The following TRDN variants were observed in gnomAD, a reference collection of about 807,000 sequenced individuals.
TRDN encodes triadin in skeletal muscle.
Under a neutral mutation model 149.7 loss-of-function variants are expected in TRDN, and 161 were observed. The ratio of observed to expected loss-of-function variants is 1.08; its 90% CI spans 0.95 to 1.23. TRDN has a LOEUF of 1.23. TRDN is among the 50% of genes most tolerant of loss of function. The pLI, the probability that TRDN is intolerant of heterozygous loss-of-function variation, is 0.00. For missense variants in TRDN, 896 were observed against 823.5 expected (o/e 1.09, Z -1.08); for synonymous variants, 294 against 250.5 (o/e 1.17, Z -1.64).
In TRDN at chr6:123,501,590, A is replaced by G. The variant is rs753240229; in HGVS notation, c.793+2129T>C. Among the ~76,000 whole-genome samples, 5 of 152,068 alleles carry G rather than the reference A, an allele frequency of 3.3e-5. No homozygotes were observed. In the South Asian group the frequency reaches 1.0e-3, roughly 31 times the overall value. On this transcript the variant is annotated intron_variant, in intron 8 of 40. Coordinates refer to ENST00000334268, the MANE Select transcript of TRDN (RefSeq NM_006073.4). ...GTAACAAAAAATGAAAAATAAAATG[A>G]CATATTTATATGTCTGATCTGCCAT...
chr6:123,344,181 T>C (rs571642079), intron 21 of TRDN, among the ~76,000 whole-genome samples: 71 of 152,130 alleles, frequency 4.7e-4, no homozygotes, highest in African/African-American at 1.3e-3. Flanking sequence ...CCCAAACTAA[T>C]ACACCCTCTT....
At chr6:123,533,997 C>T in intron 4 of TRDN, among the ~76,000 whole-genome samples, 1 of 151,986 alleles carries the variant, frequency 6.6e-6, no homozygotes, top group East Asian at 1.9e-4. Context: ...ACAGGGAAAG[C>T]CTCATTTTTT....
intron 4 of TRDN, among the ~76,000 whole-genome samples, chr6:123,540,031 C>T (rs546558321): frequency 4.6e-4 from 70 of 152,290 alleles, no homozygotes; most frequent in Non-Finnish European, 8.4e-4. Context: ...ATGATGTAGA[C>T]ATTTGTGGCA....
intron 33 of TRDN, among the ~76,000 whole-genome samples, chr6:123,261,622 G>A (rs191713668): frequency 2.2e-4 from 34 of 151,534 alleles, no homozygotes; most frequent in African/African-American, 6.5e-4. Flanking sequence ...TTCTACAAAC[G>A]TGGTATCAGT....
At chr6:123,464,453 A>G in intron 10 of TRDN, 1 of 965,598 alleles carries the variant, frequency 1.0e-6, no homozygotes, top group Non-Finnish European at 1.2e-6. Context: ...CTCTGCTTAT[A>G]TCATCTTAGA....
chr6:123,233,557 A>G (rs1183797054), intron 38 of TRDN, among the ~76,000 whole-genome samples: 1 of 152,100 alleles, frequency 6.6e-6, no homozygotes, highest in Non-Finnish European at 1.5e-5. Flanking sequence ...GAATGAGGCC[A>G]CAGTGCTGGG....
intron 38 of TRDN, 38 bp from the exon 39 acceptor site, chr6:123,224,169 AT>A (rs1562217837): frequency 1.3e-6 from 2 of 1,595,196 alleles, no homozygotes; most frequent in Admixed American, 1.7e-5. Context: ...ATCACAGTCA[AT>A]TTTTCAGTTT....
At chr6:123,281,561 A>C (rs1175962381) in intron 24 of TRDN, among the ~76,000 whole-genome samples, 1 of 152,110 alleles carries the variant, frequency 6.6e-6, no homozygotes, top group East Asian at 1.9e-4. Context: ...CTGAGAATCT[A>C]ACACATGTAT....
chr6:123,594,756 A>T (rs1783953279), intron 1 of TRDN, among the ~76,000 whole-genome samples: 1 of 151,986 alleles, frequency 6.6e-6, no homozygotes, highest in African/African-American at 2.4e-5. Flanking sequence ...AATGCCAAAA[A>T]AATGCATTTT....
intron 13 of TRDN, among the ~76,000 whole-genome samples, chr6:123,389,942 A>C (rs2114448438): frequency 6.6e-6 from 1 of 152,306 alleles, no homozygotes; most frequent in East Asian, 1.9e-4. Flanking sequence ...TAAGTCTCTG[A>C]GTTTGACTCA....
chr6:123,440,970 T>A lies in TRDN; in HGVS notation c.932-1967A>T, dbSNP rs541314448. On this transcript the variant is annotated intron_variant, in intron 10 of 40. Transcript: ENST00000334268. ...TTACAGTCATACACTGTGAGAGTCA[T>A]GAATAAGAGCAGAAGTCCACAAAAT... 3.9e-5 allele frequency: 6 copies of A among 151,964 alleles called. No homozygotes were observed. The South Asian group carries it at 1.2e-3, about 31-fold the overall frequency. The allele number at this position is 151,964 out of a possible 1,614,324, so 9.4% of individuals were successfully genotyped here.
At chr6:123,222,949 A>G (rs761383182) in intron 39 of TRDN, among the ~76,000 whole-genome samples, 19 of 151,786 alleles carry the variant, frequency 1.3e-4, no homozygotes, top group Non-Finnish European at 1.9e-4. Context: ...CAATAAGATA[A>G]CATCTCACAC....
intron 21 of TRDN, chr6:123,351,263 C>T: frequency 1.0e-6 from 1 of 967,994 alleles, no homozygotes; most frequent in Non-Finnish European, 1.2e-6. Context: ...TACACATTTT[C>T]ATATCCTTTC....
chr6:123,495,275 T>A (rs943291068), intron 9 of TRDN, among the ~76,000 whole-genome samples: 1 of 151,776 alleles, frequency 6.6e-6, no homozygotes, highest in Non-Finnish European at 1.5e-5. Flanking sequence ...TCCCAGCACC[T>A]TGGGAGGCCG....
At chr6:123,595,145 CTG>C (rs1783972139) in intron 1 of TRDN, among the ~76,000 whole-genome samples, 1 of 152,058 alleles carries the variant, frequency 6.6e-6, no homozygotes, top group Non-Finnish European at 1.5e-5. Context: ...GAAATTTAAA[CTG>C]AGAATAATCT....
At chr6:123,374,816 T>G in intron 19 of TRDN, among the ~76,000 whole-genome samples, 1 of 151,688 alleles carries the variant, frequency 6.6e-6, no homozygotes, top group East Asian at 1.9e-4. Context: ...AAAAAAAACC[T>G]CAGCACTAAA....
intron 13 of TRDN, among the ~76,000 whole-genome samples, chr6:123,391,610 A>G (rs1582958676): frequency 6.6e-6 from 1 of 152,060 alleles, no homozygotes; most frequent in African/African-American, 2.4e-5. Context: ...ACTTTGTTAA[A>G]ATAATTTCCT....
intron 7 of TRDN, among the ~76,000 whole-genome samples, chr6:123,505,244 C>CAAA (rs34096424): frequency 5.2e-5 from 4 of 77,070 alleles, no homozygotes; most frequent in African/African-American, 1.2e-4. Flanking sequence ...AACTCTGTCT[C>CAAA]AAAAAAAAAA....
chr6:123,360,541 T>C (rs1262497309), intron 20 of TRDN, among the ~76,000 whole-genome samples: 1 of 152,160 alleles, frequency 6.6e-6, no homozygotes, highest in Non-Finnish European at 1.5e-5. Context: ...AGCATTCTGT[T>C]GGCTTAGCAA....
Sources: gnomAD v4.1 joint callset for allele counts (sites outside exome capture counted in the v4.1 genomes callset) on GRCh38, gnomAD v4.1.1 for gene constraint, MANE v1.5 for transcripts, NCBI Gene and HGNC (gene_info 2026-07-23, HGNC 2026-07-21) for gene names.